TNKS: variants seen among roughly 807,000 people sequenced by gnomAD.
TNKS encodes poly [ADP-ribose] polymerase tankyrase-1.
Under a neutral mutation model 135.8 loss-of-function variants are expected in TNKS, and 72 were observed. That is an observed-to-expected ratio of 0.53 (90% CI 0.44 to 0.64). TNKS has a LOEUF of 0.64. TNKS is among the 30% of genes least tolerant of loss of function. The pLI is 0.00. For missense variants in TNKS, 1,769 were observed against 1,674.0 expected (o/e 1.06, Z -0.99); for synonymous variants, 849 against 649.3 (o/e 1.31, Z -4.68).
intron 5 of TNKS, among the ~76,000 whole-genome samples, chr8:9,690,290 C>G (rs1803204098): frequency 6.6e-6 from 1 of 152,166 alleles, no homozygotes. Flanking sequence ...CTTGAAGATT[C>G]CACAATGATA....
intron 5 of TNKS, among the ~76,000 whole-genome samples, chr8:9,698,878 T>G (rs1803657359): frequency 6.6e-6 from 1 of 152,244 alleles, no homozygotes; most frequent in South Asian, 2.1e-4. Flanking sequence ...ACATCTTTAA[T>G]TTATAGGACT....
intron 3 of TNKS, among the ~76,000 whole-genome samples, chr8:9,648,230 C>G (rs970159991): frequency 3.3e-5 from 5 of 152,054 alleles, no homozygotes; most frequent in Admixed American, 2.0e-4. Context: ...AATTTTTTTT[C>G]TTCAACGATG....
At chr8:9,603,903 T>C (rs1799116489) in intron 2 of TNKS, among the ~76,000 whole-genome samples, 1 of 152,200 alleles carries the variant, frequency 6.6e-6, no homozygotes, top group Non-Finnish European at 1.5e-5. Context: ...TTTCTTTGAA[T>C]GGTAGAAGTC....
At chr8:9,678,277 C>T (rs549470829) in intron 3 of TNKS, among the ~76,000 whole-genome samples, 1 of 152,278 alleles carries the variant, frequency 6.6e-6, no homozygotes, top group African/African-American at 2.4e-5. Context: ...ATTTTCCTCA[C>T]AAGGAGCTTT....
intron 5 of TNKS, among the ~76,000 whole-genome samples, chr8:9,684,691 T>C (rs1390570502): frequency 6.6e-6 from 1 of 152,134 alleles, no homozygotes; most frequent in Non-Finnish European, 1.5e-5. Context: ...ACATCTCCAA[T>C]GTAATTTTGA....
rs1399922732 is a variant in TNKS, at chr8:9,672,711, C to CACAAA, written c.995-7239_995-7238insCAAAA. ...ACACACACACACACACACACACACA[C>CACAAA]AAAAAAAAAAAAACAAACTAATATC... On this transcript the variant is annotated intron_variant, in intron 3 of 26. Coordinates refer to ENST00000310430, the MANE Select transcript of TNKS (RefSeq NM_003747.3). 1.9e-3 allele frequency among the ~76,000 whole-genome samples: 158 copies of CACAAA among 85,240 alleles called. 1 individual carries two copies. Among genetic ancestry groups the CACAAA allele is most frequent in the East Asian group, 4.5e-3 (14 of 3,082 alleles). The allele number at this position is 85,240 out of a possible 152,430, so 55.9% of individuals were successfully genotyped here.
At chr8:9,724,747 C>G (rs768575814) in intron 12 of TNKS, among the ~76,000 whole-genome samples, 33 of 152,158 alleles carry the variant, frequency 2.2e-4, no homozygotes, top group Non-Finnish European at 4.4e-4. Flanking sequence ...TTACTTTCTC[C>G]TCTTTAACCA....
intron 1 of TNKS, among the ~76,000 whole-genome samples, chr8:9,562,001 G>T (rs147472187): frequency 2.6e-5 from 4 of 152,034 alleles, no homozygotes; most frequent in Non-Finnish European, 5.9e-5. Flanking sequence ...ATTTTTAGTA[G>T]AGACGGGGTT....
At chr8:9,662,504 C>T (rs997711065) in intron 3 of TNKS, among the ~76,000 whole-genome samples, 6 of 152,078 alleles carry the variant, frequency 3.9e-5, no homozygotes, top group African/African-American at 1.4e-4. Context: ...GACAAAAAAC[C>T]AAACACCGTA....
intron 3 of TNKS, among the ~76,000 whole-genome samples, chr8:9,678,448 T>A (rs1221378885): frequency 1.3e-5 from 2 of 152,222 alleles, no homozygotes; most frequent in Non-Finnish European, 1.5e-5. Flanking sequence ...TATGGGAAAT[T>A]AGAAAGACCA....
At chr8:9,773,539 T>G (rs1045410419) in intron 26 of TNKS, among the ~76,000 whole-genome samples, 4 of 152,152 alleles carry the variant, frequency 2.6e-5, no homozygotes, top group African/African-American at 9.7e-5. Context: ...TTATCTGTAG[T>G]GGTAAATATT....
At chr8:9,764,379 A>C (rs556349266) in intron 22 of TNKS, among the ~76,000 whole-genome samples, 13 of 152,254 alleles carry the variant, frequency 8.5e-5, no homozygotes, top group Admixed American at 7.8e-4. Context: ...TCCAACGGGC[A>C]TTTAAGGAGT....
chr8:9,700,325 A>G (rs1195574864), intron 5 of TNKS, among the ~76,000 whole-genome samples: 1 of 152,204 alleles, frequency 6.6e-6, no homozygotes, highest in Non-Finnish European at 1.5e-5. Flanking sequence ...TTGAGAAAGA[A>G]GAAGATCCAT....
At chr8:9,615,253 ATATT>A (rs1363479780) in intron 2 of TNKS, 2 of 183,690 alleles carry the variant, frequency 1.1e-5, no homozygotes, top group African/African-American at 4.7e-5. Context: ...CACAGTTAGC[ATATT>A]TCACAGTGTG....
intron 3 of TNKS, among the ~76,000 whole-genome samples, chr8:9,625,874 T>A (rs759266460): frequency 9.8e-5 from 15 of 152,322 alleles, no homozygotes; most frequent in Non-Finnish European, 1.5e-4. Flanking sequence ...GAATGTATTT[T>A]CTGATGTTTT....
At chr8:9,731,099 T>G in intron 14 of TNKS, 64 bp downstream of exon 14, 1 of 1,434,710 alleles carries the variant, frequency 7.0e-7, no homozygotes, top group Non-Finnish European at 9.2e-7. Flanking sequence ...TTAAAATATT[T>G]TTGAAGTCTT....
chr8:9,742,207 T>C (rs1439903662), intron 17 of TNKS, among the ~76,000 whole-genome samples: 1 of 152,212 alleles, frequency 6.6e-6, no homozygotes, highest in Non-Finnish European at 1.5e-5. Flanking sequence ...TCAAAAATTT[T>C]TTTCATGTAT....
chr8:9,744,694 T>C (rs1261347929), intron 17 of TNKS, among the ~76,000 whole-genome samples: 2 of 152,332 alleles, frequency 1.3e-5, no homozygotes, highest in Non-Finnish European at 2.9e-5. Context: ...TGCTATTTAT[T>C]GGATTTGTCA....
intron 6 of TNKS, 29 bp downstream of exon 6, chr8:9,704,786 T>A (rs770239335): frequency 2.5e-6 from 4 of 1,578,416 alleles, no homozygotes; most frequent in Non-Finnish European, 3.5e-6. Context: ...TTCCTGTCAG[T>A]GCTTTGTTTT....
Sources: gnomAD v4.1 joint callset for allele counts (sites outside exome capture counted in the v4.1 genomes callset) on GRCh38, gnomAD v4.1.1 for gene constraint, MANE v1.5 for transcripts, NCBI Gene and HGNC (gene_info 2026-07-23, HGNC 2026-07-21) for gene names.